LONP2: variants seen among roughly 807,000 people sequenced by gnomAD.
LONP2 encodes lon peptidase 2, peroxisomal.
In LONP2, 60 loss-of-function variants were observed where a neutral mutation model predicts 85.6. The observed-to-expected ratio is 0.70, with a 90% confidence interval of 0.57 to 0.87. The LOEUF is 0.87. LONP2 is among the 40% of genes least tolerant of loss of function. LONP2 has a pLI of 0.00. For synonymous variants in LONP2, 395 were observed against 389.7 expected (o/e 1.01, Z -0.16); for missense variants, 860 against 1,063.5 (o/e 0.81, Z 2.66).
At position 48,351,802 on chromosome 16, in the gene LONP2, G is replaced by A. The variant is rs1416297571; in HGVS notation, c.2559G>A (p.Ter853=). Residue 853 remains the stop codon, a stop_retained_variant, in exon 15 of 15, where the codon TAG becomes TAA. Transcript: ENST00000285737. ...CTGGTCTGTTAAATAGCAAACTGTAGGTCCAAATCTCAATTTTTTAGAATT... is the reference window on the plus strand; with the variant it reads ...CTGGTCTGTTAAATAGCAAACTGTAAGTCCAAATCTCAATTTTTTAGAATT... ...TRPGLLNSKL[*] is the part of the protein sequence containing the mutation. The A allele has an allele frequency of 3.7e-6, 6 of 1,611,904 alleles. No homozygotes were observed. Among genetic ancestry groups the A allele is most frequent in the Non-Finnish European group, 5.1e-6 (6 of 1,178,606 alleles).
intron 9 of LONP2, among the ~76,000 whole-genome samples, chr16:48,297,969 A>T (rs1191912248): frequency 6.6e-6 from 1 of 152,184 alleles, no homozygotes. Flanking sequence ...ATATAACTGG[A>T]TTTCTTAATT....
chr16:48,282,277 C>T (rs12149230), intron 8 of LONP2, among the ~76,000 whole-genome samples: 7 of 151,474 alleles, frequency 4.6e-5, no homozygotes, highest in Non-Finnish European at 8.8e-5. Context: ...TGGGCATGGT[C>T]GTGCATGCCT....
Position 48,290,378 on chromosome 16 carries a change from G to A in LONP2, c.1384-5637G>A, listed in dbSNP as rs751916224. Among the ~76,000 whole-genome samples, 14 of 152,194 alleles carry A rather than the reference G, an allele frequency of 9.2e-5. 1 individual carries two copies. Among genetic ancestry groups the A allele is most frequent in the Non-Finnish European group, 1.6e-4 (11 of 68,016 alleles). ...CCAAGCAAGCAGTTCTTCAGCAACC[G>A]ACCACAGCTGGGTGTCCTCTAATTC... On this transcript the variant is annotated intron_variant, in intron 8 of 14. Transcript: ENST00000285737.
intron 1 of LONP2, among the ~76,000 whole-genome samples, chr16:48,247,039 A>G (rs1464258632): frequency 6.6e-5 from 10 of 152,312 alleles, no homozygotes; most frequent in Non-Finnish European, 1.3e-4. Flanking sequence ...AAATTAGAAA[A>G]CATATATTGA....
intron 6 of LONP2, among the ~76,000 whole-genome samples, chr16:48,265,685 T>C (rs149274365): frequency 4.6e-5 from 7 of 152,340 alleles, no homozygotes; most frequent in Non-Finnish European, 8.8e-5. Context: ...TTGCTCAAGA[T>C]TGGTTTGGCT....
chr16:48,253,055 T>A (rs1971686805), intron 2 of LONP2, among the ~76,000 whole-genome samples: 2 of 152,234 alleles, frequency 1.3e-5, no homozygotes, highest in Non-Finnish European at 2.9e-5. Flanking sequence ...AAAGTCACAA[T>A]TATAAATACT....
intron 11 of LONP2, among the ~76,000 whole-genome samples, chr16:48,314,484 T>C (rs1973100609): frequency 6.6e-6 from 1 of 152,202 alleles, no homozygotes; most frequent in Non-Finnish European, 1.5e-5. Context: ...AAATAATTTT[T>C]GTATAAGGTG....
At chr16:48,327,329 C>T (rs556726514) in intron 11 of LONP2, among the ~76,000 whole-genome samples, 5 of 152,242 alleles carry the variant, frequency 3.3e-5, no homozygotes, top group South Asian at 2.1e-4. Context: ...ATTTTCAGAC[C>T]GATTTTATTT....
chr16:48,292,683 G>A (rs1386975120), intron 8 of LONP2, among the ~76,000 whole-genome samples: 1 of 152,232 alleles, frequency 6.6e-6, no homozygotes, highest in African/African-American at 2.4e-5. Context: ...GTCACAGGAA[G>A]TCAGCTGTTA....
At chr16:48,268,970 T>C (rs923039425) in intron 6 of LONP2, among the ~76,000 whole-genome samples, 3 of 152,202 alleles carry the variant, frequency 2.0e-5, no homozygotes, top group Admixed American at 6.5e-5. Context: ...TCTTCTTCTT[T>C]CACTGCCAGC....
At chr16:48,350,134 C>T (rs963825303) in intron 14 of LONP2, among the ~76,000 whole-genome samples, 6 of 152,130 alleles carry the variant, frequency 3.9e-5, no homozygotes, top group Admixed American at 3.3e-4. Flanking sequence ...GCCTGTAACT[C>T]CAACACTTTG....
intron 6 of LONP2, 93 bp from the exon 7 acceptor site, chr16:48,269,922 CA>C (rs1257640364): frequency 1.8e-4 from 229 of 1,306,000 alleles, no homozygotes; most frequent in Admixed American, 2.1e-4. Context: ...CATCTATTTT[CA>C]AAAAAAATAT....
intron 10 of LONP2, among the ~76,000 whole-genome samples, chr16:48,302,845 C>T (rs1972834554): frequency 6.6e-6 from 1 of 152,176 alleles, no homozygotes; most frequent in Admixed American, 6.5e-5. Flanking sequence ...GAAAACTCTT[C>T]AACAAATTAC....
chr16:48,333,735 C>G (rs976688801), intron 11 of LONP2, among the ~76,000 whole-genome samples: 7 of 151,842 alleles, frequency 4.6e-5, no homozygotes, highest in African/African-American at 1.7e-4. Context: ...TGATCAGACT[C>G]CTCTGAAGAG....
rs1391662004 is a variant in LONP2, at chr16:48,355,015, ACACCAC to A, written c.*3214_*3219del. 2 of 152,252 alleles carry A rather than the reference ACACCAC, an allele frequency of 1.3e-5. No homozygotes were observed. Among genetic ancestry groups the A allele is most frequent in the Non-Finnish European group, 2.9e-5 (2 of 68,050 alleles). 9.4% of individuals were successfully genotyped at this position (152,252 alleles called of 1,614,324 possible). The stretch of plus-strand genomic sequence containing the variant: ...CCAGAAATTTTTATGGCCAAATAAT[ACACCAC>A]TATATCCATAGACCGCATTTGGTTT... On this transcript the variant is annotated 3_prime_UTR_variant, in exon 15 of 15. Coordinates refer to ENST00000285737, the MANE Select transcript of LONP2 (RefSeq NM_031490.5).
intron 12 of LONP2, among the ~76,000 whole-genome samples, chr16:48,335,212 G>A (rs1166359264): frequency 6.6e-6 from 1 of 152,164 alleles, no homozygotes; most frequent in African/African-American, 2.4e-5. Context: ...TCAAGGGCTT[G>A]GGGGAAGAGG....
intron 12 of LONP2, among the ~76,000 whole-genome samples, chr16:48,341,678 A>G (rs1160144982): frequency 6.6e-6 from 1 of 152,340 alleles, no homozygotes; most frequent in African/African-American, 2.4e-5. Flanking sequence ...TAGATTTCAG[A>G]TTTAGGAACA....
rs376203592 is a variant in LONP2, at chr16:48,351,610, G to A, written c.2367G>A (p.Ala789=). The A allele has an allele frequency of 3.4e-5, 55 of 1,613,886 alleles. No homozygotes were observed. The highest frequency in any genetic ancestry group is 4.4e-5 in the Non-Finnish European group (52 of 1,179,930). ...GTGGAATTAAAGACAAAGTGCTGGC[G>A]GCACACAGAGCGGGACTGAAGCAAG... ...PVGGIKDKVL[A]AHRAGLKQVI... Residue 789 remains alanine (A), a synonymous_variant, in exon 15 of 15, where the codon GCG becomes GCA. Transcript: ENST00000285737.
chr16:48,295,908 C>A, intron 8 of LONP2, 107 bp from the exon 9 acceptor site: 1 of 984,734 alleles, frequency 1.0e-6, no homozygotes, highest in Non-Finnish European at 1.5e-6. Flanking sequence ...TTAAATTCTT[C>A]TGAGCAGAAA....
Sources: allele counts gnomAD v4.1 joint callset (sites outside exome capture counted in the v4.1 genomes callset), GRCh38; gene constraint gnomAD v4.1.1; transcripts MANE v1.5; gene names NCBI Gene and HGNC (gene_info 2026-07-23, HGNC 2026-07-21).